The following CENPP variants were observed in gnomAD, a reference collection of about 807,000 sequenced individuals.
The protein encoded by CENPP is centromere protein P.
A neutral mutation model predicts 35.6 loss-of-function variants in CENPP; 24 were observed. That is an observed-to-expected ratio of 0.67 (90% CI 0.49 to 0.95). CENPP has a LOEUF of 0.95. Ranked by LOEUF, CENPP falls within the 40% of genes least tolerant of loss-of-function variation. CENPP has a pLI of 0.00. For synonymous variants in CENPP, 120 were observed against 125.5 expected (o/e 0.96, Z 0.29); for missense variants, 332 against 345.3 (o/e 0.96, Z 0.31).
intron 5 of CENPP, chr9:92,515,016 ATCT>A (rs769309376): frequency 1.5e-5 from 24 of 1,613,910 alleles, no homozygotes; most frequent in Non-Finnish European, 1.9e-5. Context: ...TTTGCTCTGT[ATCT>A]TCTTCTTTCA....
intron 4 of CENPP, among the ~76,000 whole-genome samples, chr9:92,349,699 G>T (rs149178272): frequency 2.0e-5 from 3 of 152,076 alleles, no homozygotes; most frequent in African/African-American, 7.2e-5. Flanking sequence ...ACCACGCCTG[G>T]CCTATGTATA....
At chr9:92,466,471 C>T (rs1247457821) in intron 5 of CENPP, 1 of 1,612,734 alleles carries the variant, frequency 6.2e-7, no homozygotes, top group Non-Finnish European at 8.5e-7. Flanking sequence ...TGGTATTTCA[C>T]TTAGTTGATT....
chr9:92,359,452 G>A (rs890721860), intron 4 of CENPP, among the ~76,000 whole-genome samples: 2 of 151,952 alleles, frequency 1.3e-5, no homozygotes, highest in Non-Finnish European at 2.9e-5. Flanking sequence ...ATTAACCTGA[G>A]GTATAAACTT....
chr9:92,482,717 T>C (rs1845952354), intron 5 of CENPP, among the ~76,000 whole-genome samples: 1 of 152,262 alleles, frequency 6.6e-6, no homozygotes, highest in South Asian at 2.1e-4. Context: ...GATTCTTAAG[T>C]GAATGAATAT....
chr9:92,458,600 T>C (rs1374843146), intron 5 of CENPP, among the ~76,000 whole-genome samples: 1 of 152,210 alleles, frequency 6.6e-6, no homozygotes, highest in Non-Finnish European at 1.5e-5. Flanking sequence ...GCTTATGACA[T>C]GTGTTCTTCT....
intron 4 of CENPP, among the ~76,000 whole-genome samples, chr9:92,351,332 T>C (rs1248351960): frequency 6.6e-6 from 1 of 151,948 alleles, no homozygotes; most frequent in African/African-American, 2.4e-5. Context: ...ATACAAAAAC[T>C]AGCTGGGCAT....
chr9:92,518,886 CTAAA>C (rs1417310600), intron 5 of CENPP, among the ~76,000 whole-genome samples: 1 of 152,066 alleles, frequency 6.6e-6, no homozygotes, highest in Non-Finnish European at 1.5e-5. Flanking sequence ...AAGACTGTCC[CTAAA>C]TAAATAAATA....
At position 92,476,023 on chromosome 9, in the gene CENPP, T is replaced by C. The variant is rs892508821; in HGVS notation, c.564+96164T>C. The stretch of plus-strand genomic sequence containing the variant: ...AAAATTTCAAAAATTAAAAACATTA[T>C]GAAATTATTCAAAATAGATGCATCC... On this transcript the variant is annotated intron_variant, in intron 5 of 7. Transcript: ENST00000375587. This position sits in a 1 kb window ranked among gnomAD's most constrained non-coding sequence, Gnocchi z 4.1. 1.3e-5 allele frequency among the ~76,000 whole-genome samples: 2 copies of C among 152,358 alleles called. No individual in the cohort carries two copies. Among genetic ancestry groups the C allele is most frequent in the East Asian group, 1.9e-4 (1 of 5,190 alleles).
Position 92,620,034 on chromosome 9 carries a change from C to T in CENPP, c.*6885C>T, listed in dbSNP as rs1008894703. The T allele has an allele frequency of 5.7e-6, 1 of 174,892 alleles. No individual in the cohort carries two copies. The highest frequency in any genetic ancestry group is 1.4e-4 in the South Asian group (1 of 7,078). 10.8% of individuals were successfully genotyped at this position (174,892 alleles called of 1,614,324 possible). A position where few individuals can be genotyped will look rare whatever the true frequency, so the allele number is the denominator to read the frequency against. ...TCCCTCCGGAACATCATACAGCCAC[C>T]AGAGACAACGGCAGACGGCCACCCT... On this transcript the variant is annotated 3_prime_UTR_variant, in exon 8 of 8. Transcript: ENST00000375587.
At chr9:92,543,873 G>T (rs1849370624) in intron 5 of CENPP, among the ~76,000 whole-genome samples, 1 of 152,040 alleles carries the variant, frequency 6.6e-6, no homozygotes. Flanking sequence ...ACTGATTTTT[G>T]TATGTTGATT....
chr9:92,494,017 A>G, intron 5 of CENPP: 2 of 1,529,948 alleles, frequency 1.3e-6, no homozygotes, highest in Non-Finnish European at 1.8e-6. Context: ...TCGCATTGTC[A>G]CCCATTTTTC....
At chr9:92,581,544 A>T (rs947773293) in intron 5 of CENPP, among the ~76,000 whole-genome samples, 3 of 152,216 alleles carry the variant, frequency 2.0e-5, no homozygotes, top group Non-Finnish European at 2.9e-5. Context: ...AAGCAGTGGT[A>T]GCTTCGTTAC....
chr9:92,604,982 C>T (rs1311121591), intron 5 of CENPP, among the ~76,000 whole-genome samples: 1 of 151,796 alleles, frequency 6.6e-6, no homozygotes, highest in Non-Finnish European at 1.5e-5. Context: ...AGTTTTAGCC[C>T]TTATGTGTCC....
At chr9:92,400,290 C>G (rs1843057508) in intron 5 of CENPP, among the ~76,000 whole-genome samples, 1 of 152,138 alleles carries the variant, frequency 6.6e-6, no homozygotes, top group Non-Finnish European at 1.5e-5. Flanking sequence ...GCTGGGATTA[C>G]AGGCACCTGC....
intron 5 of CENPP, chr9:92,389,763 T>G: frequency 1.3e-6 from 1 of 780,326 alleles, no homozygotes; most frequent in Middle Eastern, 3.7e-4. Flanking sequence ...AGTTTTTAAG[T>G]GTAATCAAAA....
intron 5 of CENPP, among the ~76,000 whole-genome samples, chr9:92,515,545 T>A (rs1043350739): frequency 1.2e-4 from 18 of 152,158 alleles, no homozygotes; most frequent in African/African-American, 4.3e-4. Flanking sequence ...TGTTGTGAGA[T>A]TGTGTTATAA....
intron 5 of CENPP, among the ~76,000 whole-genome samples, chr9:92,523,124 A>G (rs186637025): frequency 6.3e-4 from 95 of 151,800 alleles, no homozygotes; most frequent in African/African-American, 2.2e-3. Flanking sequence ...TCCATCGCCC[A>G]GGCTGGAGTG....
At chr9:92,397,657 G>A (rs1482287902) in intron 5 of CENPP, among the ~76,000 whole-genome samples, 2 of 152,140 alleles carry the variant, frequency 1.3e-5, no homozygotes, top group East Asian at 3.9e-4. Flanking sequence ...GTGGAGAATG[G>A]TATTAGAAAC....
chr9:92,433,170 G>C (rs1327737688), intron 5 of CENPP, among the ~76,000 whole-genome samples: 2 of 152,164 alleles, frequency 1.3e-5, no homozygotes, highest in African/African-American at 4.8e-5. Context: ...CAAGATCAAG[G>C]CACCAGCATT....
Sources: gnomAD v4.1 joint callset for allele counts (sites outside exome capture counted in the v4.1 genomes callset) on GRCh38, gnomAD v4.1.1 for gene constraint, Gnocchi (gnomAD v3.1) non-coding constraint, MANE v1.5 for transcripts, NCBI Gene and HGNC (gene_info 2026-07-23, HGNC 2026-07-21) for gene names.